DAAM1: variants seen among roughly 807,000 people sequenced by gnomAD.
DAAM1 encodes the protein disheveled-associated activator of morphogenesis 1.
A neutral mutation model predicts 130.0 loss-of-function variants in DAAM1; 52 were observed. The observed-to-expected ratio is 0.40, with a 90% CI of 0.32 to 0.50. The LOEUF is 0.50. Among genes scored for constraint, DAAM1 ranks in the 20% least tolerant of loss-of-function variants. DAAM1 has a pLI of 0.61. For missense variants in DAAM1, 1,134 were observed against 1,303.8 expected (o/e 0.87, Z 2.01); for synonymous variants, 452 against 444.5 (o/e 1.02, Z -0.21).
At chr14:59,308,883 T>C (rs1884469428) in intron 3 of DAAM1, among the ~76,000 whole-genome samples, 1 of 152,328 alleles carries the variant, frequency 6.6e-6, no homozygotes, top group African/African-American at 2.4e-5. Flanking sequence ...AAGAAGCCAC[T>C]GTTCTGTAAT....
chr14:59,223,269 T>C (rs1402036944), intron 1 of DAAM1, among the ~76,000 whole-genome samples: 2 of 152,260 alleles, frequency 1.3e-5, no homozygotes, highest in Non-Finnish European at 2.9e-5. Context: ...CTGCTGTGCA[T>C]GCCCAGCTTT....
chr14:59,248,766 C>T (rs1185255441), intron 1 of DAAM1, among the ~76,000 whole-genome samples: 1 of 152,098 alleles, frequency 6.6e-6, no homozygotes, highest in Non-Finnish European at 1.5e-5. Context: ...CCTTTGTTTT[C>T]CTGAGAGTCC....
rs1884745454 is a variant in DAAM1 at position 59,315,285 on chromosome 14, G to A, written c.279G>A (p.Gln93=). 6.2e-7 allele frequency: 1 copy of A among 1,613,962 alleles called. No homozygotes were observed. Among genetic ancestry groups the A allele is most frequent in the Admixed American group, 1.7e-5 (1 of 60,014 alleles). Residue 93 remains glutamine (Q), a synonymous_variant, in exon 4 of 25, where the codon CAG becomes CAA. Coordinates refer to ENST00000360909, the MANE Select transcript of DAAM1 (RefSeq NM_001270520.2). ...TTTTTTTCCCCCCTTTTTAGGACCA[G>A]GAAGAAAACAAGGGAGCTACAAGTT... ...WQIYCSKKKD[Q]EENKGATSWP... is the part of the protein sequence containing the mutation.
intron 2 of DAAM1, among the ~76,000 whole-genome samples, chr14:59,288,407 A>G (rs1326242518): frequency 6.6e-6 from 1 of 152,030 alleles, no homozygotes; most frequent in East Asian, 1.9e-4. Flanking sequence ...GAACAAAAAC[A>G]AAAATTGACA....
chr14:59,251,546 G>A (rs569352484), intron 1 of DAAM1, among the ~76,000 whole-genome samples: 2 of 151,890 alleles, frequency 1.3e-5, no homozygotes, highest in East Asian at 1.9e-4. Context: ...GAGTCAAGGC[G>A]TTATTTCTCT....
chr14:59,270,406 T>C (rs1283706224), intron 2 of DAAM1, among the ~76,000 whole-genome samples: 2 of 152,122 alleles, frequency 1.3e-5, no homozygotes, highest in Non-Finnish European at 2.9e-5. Flanking sequence ...AGGCTCTTTT[T>C]AACAACCAGC....
At chr14:59,346,653 G>A (rs990739167) in intron 16 of DAAM1, among the ~76,000 whole-genome samples, 15 of 152,094 alleles carry the variant, frequency 9.9e-5, no homozygotes, top group Non-Finnish European at 2.1e-4. Flanking sequence ...AAACAAAGGA[G>A]TGAGTCTCTT....
At chr14:59,199,145 C>G (rs1310506984) in intron 1 of DAAM1, among the ~76,000 whole-genome samples, 1 of 152,190 alleles carries the variant, frequency 6.6e-6, no homozygotes, top group Non-Finnish European at 1.5e-5. Context: ...GAGCTAAGCC[C>G]CATGATCTGA....
intron 1 of DAAM1, among the ~76,000 whole-genome samples, chr14:59,233,166 G>T (rs200637576): frequency 1.3e-5 from 2 of 152,166 alleles, no homozygotes; most frequent in Non-Finnish European, 2.9e-5. Flanking sequence ...TAACGGGATT[G>T]CTGGGTCAAA....
chr14:59,314,654 C>G (rs749588553), intron 3 of DAAM1, among the ~76,000 whole-genome samples: 1 of 152,162 alleles, frequency 6.6e-6, no homozygotes, highest in Non-Finnish European at 1.5e-5. Flanking sequence ...CTTTTCCACT[C>G]AGAGGCACTA....
intron 1 of DAAM1, among the ~76,000 whole-genome samples, chr14:59,206,264 G>T (rs1309984548): frequency 2.0e-5 from 3 of 152,002 alleles, no homozygotes; most frequent in African/African-American, 4.8e-5. Flanking sequence ...TGGGGCTCAG[G>T]TATTTATTTT....
chr14:59,355,087 A>T (rs966772686), intron 19 of DAAM1, 78 bp from the exon 20 acceptor site: 22 of 1,528,912 alleles, frequency 1.4e-5, no homozygotes, highest in Non-Finnish European at 1.9e-5. Flanking sequence ...GTGAATTTAG[A>T]ATGGGTATCA....
chr14:59,326,502 T>C lies in DAAM1; in HGVS notation c.1175-8T>C. 6.4e-7 allele frequency: 1 copy of C among 1,564,108 alleles called. No individual in the cohort carries two copies. Among genetic ancestry groups the C allele is most frequent in the Non-Finnish European group, 8.6e-7 (1 of 1,157,656 alleles). ...AAGATTTTTTTTCACTATTCTTTTC[T>C]TTTTTAGACAAGAGGAGTGGCAACA... On this transcript the variant is annotated splice_polypyrimidine_tract_variant and splice_region_variant and intron_variant, in intron 10 of 24. Coordinates refer to ENST00000360909, the MANE Select transcript of DAAM1 (RefSeq NM_001270520.2).
intron 15 of DAAM1, among the ~76,000 whole-genome samples, chr14:59,335,990 A>C (rs1323563310): frequency 6.6e-6 from 1 of 152,010 alleles, no homozygotes; most frequent in Non-Finnish European, 1.5e-5. Context: ...ATGGCACATG[A>C]AAACAGAAGA....
At chr14:59,272,037 C>G (rs1882732753) in intron 2 of DAAM1, among the ~76,000 whole-genome samples, 1 of 152,088 alleles carries the variant, frequency 6.6e-6, no homozygotes. Context: ...AAGGATTGCT[C>G]TGTAGTTACA....
intron 16 of DAAM1, among the ~76,000 whole-genome samples, chr14:59,340,910 G>A (rs1326160000): frequency 2.6e-5 from 4 of 152,188 alleles, no homozygotes; most frequent in Admixed American, 2.0e-4. Context: ...AGTGAGTGAA[G>A]ATGTAAAGAA....
intron 17 of DAAM1, among the ~76,000 whole-genome samples, chr14:59,350,289 C>G (rs571128617): frequency 1.3e-5 from 2 of 152,068 alleles, no homozygotes; most frequent in South Asian, 2.1e-4. Flanking sequence ...ATTGACTGCC[C>G]CCTTCTCTAT....
chr14:59,318,609 T>C (rs1884883028), intron 4 of DAAM1, among the ~76,000 whole-genome samples: 1 of 151,982 alleles, frequency 6.6e-6, no homozygotes. Flanking sequence ...GTAGAAATTA[T>C]TTTATTTTGA....
At chr14:59,188,818 C>G (rs1178014182) in intron 1 of DAAM1, 50 bp downstream of exon 1, 1 of 152,988 alleles carries the variant, frequency 6.5e-6, no homozygotes, top group Admixed American at 6.5e-5. Flanking sequence ...TTAAGTGGCA[C>G]TGCTCAGTGG....
Sources: gnomAD v4.1 joint callset for allele counts (sites outside exome capture counted in the v4.1 genomes callset) on GRCh38, gnomAD v4.1.1 for gene constraint, MANE v1.5 for transcripts, NCBI Gene and HGNC (gene_info 2026-07-23, HGNC 2026-07-21) for gene names.